SPAG11B: variants seen among roughly 807,000 people sequenced by gnomAD.
SPAG11B encodes sperm-associated antigen 11B.
A neutral mutation model predicts 8.9 loss-of-function variants in SPAG11B; 5 were observed. The observed-to-expected ratio is 0.56, with a 90% CI of 0.29 to 1.19. SPAG11B has a LOEUF of 1.19. Ranked by LOEUF, SPAG11B falls within the 50% of genes most tolerant of loss-of-function variation. SPAG11B has a pLI of 0.08. For missense variants in SPAG11B, 38 were observed against 146.4 expected, an observed-to-expected ratio of 0.26 and a Z score of 3.82; for synonymous variants, 12 against 53.0, an observed-to-expected ratio of 0.23 and a Z score of 3.36.
At chr8:7,447,862 T>C, downstream of SPAG11B, 1 of 671,528 alleles carries the variant, frequency 1.5e-6, no homozygotes, top group Admixed American at 3.8e-5. Flanking sequence ...CGAGAGGCAG[T>C]CCAGGCTTAG....
chr8:7,458,988 C>T (rs1810614048), intron 2 of SPAG11B, among the ~76,000 whole-genome samples: 1 of 89,530 alleles, frequency 1.1e-5, no homozygotes, highest in Non-Finnish European at 2.0e-5. Flanking sequence ...CACCTGAGGT[C>T]GGGAGTTTGA....
At chr8:7,451,872 C>A (rs1167804252) in intron 2 of SPAG11B, among the ~76,000 whole-genome samples, 2 of 150,770 alleles carry the variant, frequency 1.3e-5, no homozygotes, top group Non-Finnish European at 2.9e-5. Context: ...AGATTCATTG[C>A]ACCATGGTAA....
chr8:7,458,484 G>GA (rs1810578025), intron 2 of SPAG11B, among the ~76,000 whole-genome samples: 1 of 51,460 alleles, frequency 1.9e-5, no homozygotes, highest in African/African-American at 1.0e-4. Flanking sequence ...GATTTCAATG[G>GA]AAAAATGCAG....
chr8:7,447,841 T>C (rs189991495), downstream of SPAG11B: 1,163 of 460,276 alleles, frequency 2.5e-3, 128 homozygotes, highest in African/African-American at 0.013. Context: ...AGCCAGTCCA[T>C]GGAGCACAGC....
In SPAG11B at chr8:7,450,881, A is replaced by C. The variant is rs17350582; in HGVS notation, c.234T>G (p.Ile78Met). The change falls in exon 3 of 3, where the codon ATT becomes ATG. Residue 78 changes from isoleucine to methionine, a missense_variant. Around this residue, in one of 3 missense-constraint regions of SPAG11B, gnomAD observed 29 missense variants for 28.0 expected, o/e 1.03. Coordinates refer to ENST00000398462, the MANE Select transcript of SPAG11B (RefSeq NM_058201.4). ...PPYQGDVPPG[I>M]RNTICHMQQG... is the part of the protein sequence containing the mutation. ...GCTGCATATGGCAGATGGTATTTCT[A>C]ATTCCCGGTGGAACATCCCCTATGG... 6.0e-4 allele frequency: 936 copies of C among 1,547,982 alleles called. 98 individuals are homozygous for C. The highest frequency in any genetic ancestry group is 1.2e-3 in the Middle Eastern group (7 of 5,736).
chr8:7,458,568 C>A (rs1384364418), intron 2 of SPAG11B, among the ~76,000 whole-genome samples: 1 of 59,518 alleles, frequency 1.7e-5, no homozygotes, highest in African/African-American at 9.0e-5. Context: ...AGAATTAGAT[C>A]CCATGAGAAA....
intron 2 of SPAG11B, among the ~76,000 whole-genome samples, chr8:7,453,684 A>G (rs2738028): frequency 0.057 from 8,302 of 145,834 alleles, 115 homozygotes; most frequent in Non-Finnish European, 0.084. Flanking sequence ...AAGAGACATC[A>G]AGCAGTGGTC....
At position 7,450,727 on chromosome 8, in the gene SPAG11B, T is replaced by G. The variant is rs1286092349; in HGVS notation, c.388A>C (p.Arg130=). The G allele has an allele frequency of 6.3e-7, 1 of 1,582,090 alleles. No homozygotes were observed. Among genetic ancestry groups the G allele is most frequent in the East Asian group, 2.3e-5 (1 of 43,380 alleles). ...EGKEKPEMDG[R]SGI ...GAGCTTATATTTTAGATCCCAGATC[T>G]GCCATCCATCTCTGGTTTCTCTTTT... The change falls in exon 3 of 3, where the codon AGA becomes CGA. Residue 130 remains arginine (R), a synonymous_variant. Transcript: ENST00000398462.
chr8:7,459,073 C>T (rs1810618540), intron 2 of SPAG11B, among the ~76,000 whole-genome samples: 2 of 92,380 alleles, frequency 2.2e-5, no homozygotes, highest in Admixed American at 1.1e-4. Context: ...TGGTAGACAC[C>T]TGTAATCCCA....
intron 2 of SPAG11B, among the ~76,000 whole-genome samples, chr8:7,458,049 A>C (rs565049466): frequency 6.6e-6 from 1 of 150,680 alleles, no homozygotes; most frequent in Non-Finnish European, 1.5e-5. Flanking sequence ...AATCTAATAC[A>C]TAACAATATT....
chr8:7,448,487 C>T (rs1207376892), downstream of SPAG11B, among the ~76,000 whole-genome samples: 31 of 151,760 alleles, frequency 2.0e-4, no homozygotes, highest in African/African-American at 7.5e-4. Context: ...GGACTGAGTT[C>T]AATCCTGTCA....
downstream of SPAG11B, among the ~76,000 whole-genome samples, chr8:7,450,193 C>T (rs1243392665): frequency 7.8e-6 from 1 of 127,670 alleles, no homozygotes; most frequent in Non-Finnish European, 1.7e-5. Flanking sequence ...ATTATACACA[C>T]TATCAGCTTG....
intron 2 of SPAG11B, among the ~76,000 whole-genome samples, chr8:7,453,404 T>A (rs1810303448): frequency 6.7e-6 from 1 of 149,190 alleles, no homozygotes; most frequent in African/African-American, 2.5e-5. Context: ...CTGGGCTTCA[T>A]AACAATTGCT....
downstream of SPAG11B, among the ~76,000 whole-genome samples, chr8:7,448,387 T>C (rs1809933072): frequency 6.6e-6 from 1 of 151,890 alleles, no homozygotes; most frequent in Non-Finnish European, 1.5e-5. Flanking sequence ...GGTGTTGGTA[T>C]TGCCGGGATG....
chr8:7,459,067 A>G (rs569450394), intron 2 of SPAG11B, among the ~76,000 whole-genome samples: 993 of 85,180 alleles, frequency 0.012, 248 homozygotes, highest in African/African-American at 0.054. Context: ...GCATGGTGGT[A>G]GACACCTGTA....
chr8:7,453,386 C>T (rs1810301421), intron 2 of SPAG11B, among the ~76,000 whole-genome samples: 1 of 149,268 alleles, frequency 6.7e-6, no homozygotes, highest in African/African-American at 2.5e-5. Context: ...GTCTTCTCTC[C>T]TATCCCCCTG....
intron 2 of SPAG11B, chr8:7,451,294 C>T (rs1810140871): frequency 3.3e-6 from 3 of 904,870 alleles, no homozygotes; most frequent in Non-Finnish European, 1.6e-6. Flanking sequence ...AACCCATTCT[C>T]AACTTATGGC....
At position 7,450,938 on chromosome 8, in the gene SPAG11B, T is replaced by C. The variant is rs1810103519; in HGVS notation, c.215-38A>G. On this transcript the variant is annotated intron_variant, in intron 2 of 2. Transcript: ENST00000398462. ...CAGAAGAGAGTTGACATTTAACTCA[T>C]ATAGTGCAGAGAATAGAAGATGACC... is the stretch of plus-strand genomic sequence containing the variant. 3 of 1,548,310 alleles carry C rather than the reference T, an allele frequency of 1.9e-6. 1 individual carries two copies. Among genetic ancestry groups the C allele is most frequent in the African/African-American group, 1.5e-5 (1 of 68,290 alleles).
rs569450394 is a variant in SPAG11B, at chr8:7,459,067, A to T, written c.214+3640T>A. Among the ~76,000 whole-genome samples, 3 of 85,570 alleles carry T rather than the reference A, an allele frequency of 3.5e-5. 1 individual carries two copies. Among genetic ancestry groups the T allele is most frequent in the African/African-American group, 2.4e-4 (3 of 12,534 alleles). The allele number at this position is 85,570 out of a possible 152,430, so 56.1% of individuals were successfully genotyped here. ...TACAAAATTAGCCGGGCATGGTGGT[A>T]GACACCTGTAATCCCAGCTACTTAG... On this transcript the variant is annotated intron_variant, in intron 2 of 2. Transcript: ENST00000398462.
Sources: gnomAD v4.1 joint callset for allele counts (sites outside exome capture counted in the v4.1 genomes callset) on GRCh38, gnomAD v4.1.1 for gene constraint, gnomAD v4.1.1 regional missense constraint, MANE v1.5 for transcripts, NCBI Gene and HGNC (gene_info 2026-07-23, HGNC 2026-07-21) for gene names.